The following HUWE1 variants were observed in gnomAD, a reference collection of about 807,000 sequenced individuals.
HUWE1 encodes E3 ubiquitin-protein ligase HUWE1.
HUWE1 carries 18 observed loss-of-function variants against 299.4 expected under a neutral mutation model. The ratio of observed to expected loss-of-function variants is 0.06; its 90% confidence interval spans 0.04 to 0.09. The LOEUF is 0.09. Among genes scored for constraint, HUWE1 ranks in the 10% least tolerant of loss-of-function variants. The probability of loss-of-function intolerance (pLI) is 1.00; values close to 1 mark genes in which losing one functional copy is unlikely to be tolerated. For synonymous variants in HUWE1, 1,317 were observed against 1,286.1 expected (o/e 1.02, Z -0.51); for missense variants, 1,832 against 3,462.3 (o/e 0.53, Z 11.82).
Position 53,550,710 on chromosome X carries a change from C to T in HUWE1, c.9444G>A (p.Gln3148=). 1 of 1,211,970 alleles carries T rather than the reference C, an allele frequency of 8.3e-7. No individual in the cohort carries two copies. Among genetic ancestry groups the T allele is most frequent in the Non-Finnish European group, 1.1e-6 (1 of 895,549 alleles). ...CCCCCATCTGGAAGGTGCCACCTCT[C>T]TGCACAGCAAGGCGAGTATACTGGA... The part of the protein sequence containing the change: ...RGVQYTRLAV[Q]RGGTFQMGGS... Residue 3148 remains glutamine, a synonymous_variant, in exon 66 of 84, where the codon CAG becomes CAA. Transcript: ENST00000262854.
At chrX:53,578,316 C>A (rs1157314630) in intron 43 of HUWE1, among the ~76,000 whole-genome samples, 11 of 106,858 alleles carry the variant, frequency 1.0e-4, no homozygotes, top group Non-Finnish European at 1.9e-4. Context: ...AAGTGAGGAG[C>A]GTCTCCGCCC....
rs1205499166 is a variant in HUWE1 at position 53,673,796 on chromosome X, C to A, written c.-25+6253G>T. Among the ~76,000 whole-genome samples, 3 of 111,416 alleles carry A rather than the reference C, an allele frequency of 2.7e-5. No homozygotes were observed. In the East Asian group the frequency reaches 8.4e-4, roughly 31 times the overall value. On this transcript the variant is annotated intron_variant, in intron 3 of 83. Coordinates refer to ENST00000262854, the MANE Select transcript of HUWE1 (RefSeq NM_031407.7). ...ATCAATTCTGGAGTGGGGGTAGGGA[C>A]AGGGATTGTTGTATTATTCTCTGTA...
At chrX:53,617,307 G>T in intron 20 of HUWE1, 33 bp downstream of exon 20, 1 of 1,045,942 alleles carries the variant, frequency 9.6e-7, no homozygotes, top group South Asian at 2.0e-5. Context: ...CACGCCCTAA[G>T]ACATTCTTTA....
At chrX:53,607,442 C>A in intron 25 of HUWE1, 81 bp downstream of exon 25, 2 of 872,948 alleles carry the variant, frequency 2.3e-6, no homozygotes, top group Non-Finnish European at 1.6e-6. Flanking sequence ...GAAGGGAGAC[C>A]ATAGTAAAAA....
Position 53,569,707 on chromosome X carries a change from C to T in HUWE1, c.6433G>A (p.Gly2145Ser), listed in dbSNP as rs1378537351. ...FLASLAAAGS[G>S]TDAQVALVNE... ...ACTAGGGCCACCTGGGCATCTGTGC[C>T]ACTCCCTGCAGCAGCCAGGCTTGCG... is the stretch of plus-strand genomic sequence containing the variant. The change falls in exon 48 of 84, where the codon GGC (glycine) becomes AGC (serine). Residue 2145 changes from glycine to serine, a missense_variant. This residue lies in a region of HUWE1 where 157 missense variants were observed against 252.3 expected (regional missense o/e 0.62). Coordinates refer to ENST00000262854, the MANE Select transcript of HUWE1 (RefSeq NM_031407.7). The T allele has an allele frequency of 2.5e-6, 3 of 1,210,639 alleles. No individual in the cohort carries two copies. Among genetic ancestry groups the T allele is most frequent in the Admixed American group, 4.4e-5 (2 of 45,887 alleles).
intron 3 of HUWE1, among the ~76,000 whole-genome samples, chrX:53,663,269 C>T (rs904195278): frequency 1.1e-4 from 12 of 112,082 alleles, no homozygotes; most frequent in Non-Finnish European, 1.5e-4. Flanking sequence ...TCCCAGCACT[C>T]TGGGAGGCCG....
At chrX:53,653,162 CAAAA>C (rs1302399528) in intron 4 of HUWE1, among the ~76,000 whole-genome samples, 1 of 111,257 alleles carries the variant, frequency 9.0e-6, no homozygotes, top group Non-Finnish European at 1.9e-5. Flanking sequence ...AACAAACAAA[CAAAA>C]AAAACTGGAA....
chrX:53,579,345 G>A (rs1163283797), intron 43 of HUWE1, among the ~76,000 whole-genome samples: 11 of 105,210 alleles, frequency 1.0e-4, no homozygotes, highest in African/African-American at 3.1e-4. Context: ...CCCCCCGCCC[G>A]GCCAGCCGCC....
chrX:53,665,076 C>T (rs1432986027), intron 3 of HUWE1, among the ~76,000 whole-genome samples: 6 of 111,698 alleles, frequency 5.4e-5, no homozygotes, highest in Non-Finnish European at 7.5e-5. Context: ...AGTGGTAAAA[C>T]GTGGATTCAA....
rs7052269 is a variant in HUWE1, at chrX:53,585,388, T to C, written c.4825-200A>G. 6.5e-3 allele frequency among the ~76,000 whole-genome samples: 729 copies of C among 112,654 alleles called. 3 individuals carry two copies. Among genetic ancestry groups the C allele is most frequent in the African/African-American group, 0.022 (693 of 30,998 alleles). On this transcript the variant is annotated intron_variant, in intron 39 of 83. Transcript: ENST00000262854. ...TCTCTCTGCTACACGCTTAAAAACA[T>C]GTCTTCTAAAGTTCAGGTGTTGAAA...
At chrX:53,558,539 C>A in intron 59 of HUWE1, 116 bp downstream of exon 59, 1 of 754,998 alleles carries the variant, frequency 1.3e-6, no homozygotes, top group South Asian at 2.3e-5. Flanking sequence ...AAAAATTTCC[C>A]AGGTTCAACG....
intron 83 of HUWE1, 44 bp from the exon 84 acceptor site, chrX:53,533,455 T>TTTGGTTATCTGTC: frequency 2.1e-6 from 2 of 958,596 alleles, no homozygotes; most frequent in Non-Finnish European, 3.0e-6. Context: ...GGATGACAGA[T>TTTGGTTATCTGTC]AACCAAATCT....
intron 46 of HUWE1, 34 bp downstream of exon 46, chrX:53,575,121 T>C: frequency 9.0e-7 from 1 of 1,111,279 alleles, no homozygotes; most frequent in Non-Finnish European, 1.2e-6. Context: ...TCCTAAGGAA[T>C]AAGAACATGG....
intron 23 of HUWE1, among the ~76,000 whole-genome samples, chrX:53,610,641 A>G (rs1055845): frequency 1.9e-4 from 21 of 111,762 alleles, no homozygotes; most frequent in African/African-American, 5.9e-4. Context: ...AGTATGATGT[A>G]TATGGGGTTT....
chrX:53,664,205 C>T (rs1023620509), intron 3 of HUWE1, among the ~76,000 whole-genome samples: 11 of 111,286 alleles, frequency 9.9e-5, no homozygotes, highest in Middle Eastern at 4.6e-3. Flanking sequence ...CACACTCTAC[C>T]ACGCCTGGCT....
Position 53,573,634 on chromosome X carries a change from A to G in HUWE1, c.6312+116T>C, listed in dbSNP as rs781962570. The G allele has an allele frequency of 8.0e-6, 5 of 623,088 alleles. No individual in the cohort carries two copies. In the African/African-American group the frequency reaches 1.1e-4, roughly 14 times the overall value. The allele number at this position is 623,088 out of a possible 1,213,427, so 51.3% of individuals were successfully genotyped here. ...TGCATGTCTGAAGATGCCTCTTCTC[A>G]CTCATTACTTGGGTTAGCACTTAGC... is the stretch of plus-strand genomic sequence containing the variant. On this transcript the variant is annotated intron_variant, in intron 47 of 83. Coordinates refer to ENST00000262854, the MANE Select transcript of HUWE1 (RefSeq NM_031407.7).
Position 53,584,257 on chromosome X carries a change from C to T in HUWE1, c.5090G>A (p.Gly1697Glu), listed in dbSNP as rs782318544. Residue 1697 changes from glycine (G) to glutamate (E), a missense_variant, in exon 41 of 84, where the codon GGA becomes GAA. Gly to Glu is a moderately conservative substitution (Grantham distance 98, BLOSUM62 -2). Transcript: ENST00000262854. ...RLNKNSKNSNGQELEKTLEES... is the reference protein window; with the variant it reads ...RLNKNSKNSNEQELEKTLEES... ...TTCCAGCGTCTTCTCTAGTTCCTGT[C>T]CATTGCTGTTTTTTGAATTTTTATT... is the stretch of plus-strand genomic sequence containing the variant. 8.3e-7 allele frequency: 1 copy of T among 1,205,478 alleles called. No individual in the cohort carries two copies. The highest frequency in any genetic ancestry group is 2.2e-5 in the Admixed American group (1 of 46,057).
intron 80 of HUWE1, among the ~76,000 whole-genome samples, chrX:53,535,776 T>G (rs1556912133): frequency 9.0e-6 from 1 of 111,607 alleles, no homozygotes; most frequent in African/African-American, 3.3e-5. Flanking sequence ...GAAAAGGGAA[T>G]GGCTAACATA....
At chrX:53,649,716 T>G (rs1019503046) in intron 4 of HUWE1, among the ~76,000 whole-genome samples, 9 of 112,305 alleles carry the variant, frequency 8.0e-5, no homozygotes, top group Non-Finnish European at 1.7e-4. Context: ...GCTTATGCAG[T>G]TCACTTGTGC....
Sources: allele counts gnomAD v4.1 joint callset (sites outside exome capture counted in the v4.1 genomes callset), GRCh38; gene constraint gnomAD v4.1.1; regional missense constraint gnomAD v4.1.1; transcripts MANE v1.5; gene names NCBI Gene and HGNC (gene_info 2026-07-23, HGNC 2026-07-21).